The following SNAP23 variants were observed in gnomAD, a reference collection of about 807,000 sequenced individuals.
The protein encoded by SNAP23 is synaptosomal-associated protein 23.
A neutral mutation model predicts 29.0 loss-of-function variants in SNAP23; 11 were observed. The ratio of observed to expected loss-of-function variants is 0.38; its 90% CI spans 0.24 to 0.63. The LOEUF (loss-of-function observed/expected upper bound fraction) is 0.63. Ranked by LOEUF, SNAP23 falls within the 20% of genes least tolerant of loss-of-function variation. The probability of loss-of-function intolerance (pLI) is 0.58; values close to 1 mark genes in which losing one functional copy is unlikely to be tolerated. For missense variants in SNAP23, 220 were observed against 253.9 expected (o/e 0.87, Z 0.91); for synonymous variants, 60 against 82.9 (o/e 0.72, Z 1.50).
chr15:42,525,849 A>G lies in SNAP23; in HGVS notation c.267-2413A>G, dbSNP rs149703012. Among the ~76,000 whole-genome samples, 7 of 152,302 alleles carry G rather than the reference A, an allele frequency of 4.6e-5. No homozygotes were observed. In the East Asian group the frequency reaches 1.4e-3, roughly 29 times the overall value. On this transcript the variant is annotated intron_variant, in intron 5 of 7. Transcript: ENST00000249647. ...TATGTTTCAATTAAAAATCATTCAC[A>G]TGATCATTTTTAAACAATTCATTTG...
intron 5 of SNAP23, among the ~76,000 whole-genome samples, chr15:42,517,411 T>C (rs2057406270): frequency 6.6e-6 from 1 of 152,182 alleles, no homozygotes; most frequent in African/African-American, 2.4e-5. Flanking sequence ...ATGAATTTTC[T>C]TGAGATCAGA....
chr15:42,521,038 C>G (rs1168466831), intron 5 of SNAP23, among the ~76,000 whole-genome samples: 2 of 152,176 alleles, frequency 1.3e-5, no homozygotes, highest in Non-Finnish European at 2.9e-5. Context: ...TTCTTCCATC[C>G]TGCTCACTGG....
At chr15:42,504,522 A>T (rs2141510201) in intron 1 of SNAP23, among the ~76,000 whole-genome samples, 1 of 152,324 alleles carries the variant, frequency 6.6e-6, no homozygotes, top group South Asian at 2.1e-4. Context: ...ACTCATATTC[A>T]ACATTGTTAC....
At chr15:42,505,476 T>A (rs982452616) in intron 1 of SNAP23, 1 of 152,162 alleles carries the variant, frequency 6.6e-6, no homozygotes. Context: ...GGGCCTTTTT[T>A]CTGTGTATTT....
chr15:42,527,682 T>G (rs1301473404), intron 5 of SNAP23, among the ~76,000 whole-genome samples: 2 of 151,762 alleles, frequency 1.3e-5, no homozygotes, highest in African/African-American at 4.8e-5. Flanking sequence ...GATGGGTTTT[T>G]GCTGTGTTGC....
Position 42,514,160 on chromosome 15 carries a change from C to T in SNAP23, c.148+713C>T, listed in dbSNP as rs190338127. Among the ~76,000 whole-genome samples the T allele has an allele frequency of 1.9e-4, 28 of 149,702 alleles. No individual in the cohort carries two copies. In the East Asian group the frequency reaches 4.1e-3, roughly 22 times the overall value. On this transcript the variant is annotated intron_variant, in intron 4 of 7. Transcript: ENST00000249647. The stretch of plus-strand genomic sequence containing the variant: ...TTTTTTTAATTTTTATTTTTTGAGT[C>T]GGAGTCTTACTCTGTCACCCAGGCT...
intron 5 of SNAP23, among the ~76,000 whole-genome samples, chr15:42,516,472 A>T (rs561304414): frequency 1.3e-5 from 2 of 152,240 alleles, no homozygotes; most frequent in South Asian, 4.1e-4. Flanking sequence ...CTGGGACTAC[A>T]GGCGCATGCC....
rs562886660 is a variant in SNAP23, at chr15:42,502,207, T to C, written c.-15+6494T>C. The stretch of plus-strand genomic sequence containing the variant: ...CACGCCCGGCTAATTTTCTGTTTTT[T>C]AGTAGAGACGGTTTCACCTTGTTAG... On this transcript the variant is annotated intron_variant, in intron 1 of 7. Transcript: ENST00000249647. 4.6e-3 allele frequency among the ~76,000 whole-genome samples: 614 copies of C among 133,342 alleles called. 7 individuals carry two copies. Among genetic ancestry groups the C allele is most frequent in the African/African-American group, 0.02 (579 of 29,462 alleles). 87.5% of individuals were successfully genotyped at this position (133,342 alleles called of 152,430 possible). A position where few individuals can be genotyped will look rare whatever the true frequency, so the allele number is the denominator to read the frequency against.
Position 42,513,459 on chromosome 15 carries a change from T to G in SNAP23, c.148+12T>G. 1 of 1,608,220 alleles carries G rather than the reference T, an allele frequency of 6.2e-7. No homozygotes were observed. Among genetic ancestry groups the G allele is most frequent in the Non-Finnish European group, 8.5e-7 (1 of 1,174,660 alleles). On this transcript the variant is annotated intron_variant, in intron 4 of 7. Transcript: ENST00000249647. ...GGATGAACAAAAGGGTAAGTTAAATTATTAGCAGAAATTCTTAATTTGACT... is the reference window on the plus strand; with the variant it reads ...GGATGAACAAAAGGGTAAGTTAAATGATTAGCAGAAATTCTTAATTTGACT...
upstream of SNAP23, among the ~76,000 whole-genome samples, chr15:42,494,557 C>A (rs1183521210): frequency 6.6e-5 from 10 of 150,992 alleles, no homozygotes; most frequent in African/African-American, 2.2e-4. Context: ...CTCTCGTTGC[C>A]CAGCCTGGAG....
intron 5 of SNAP23, among the ~76,000 whole-genome samples, chr15:42,525,451 CTTTTTTT>C (rs1158969519): frequency 4.9e-3 from 232 of 47,138 alleles, no homozygotes; most frequent in African/African-American, 0.01. Context: ...ATCCAGTCTT[CTTTTTTT>C]TTTTTTTTTT....
intron 7 of SNAP23, among the ~76,000 whole-genome samples, chr15:42,531,207 T>A (rs1036249199): frequency 6.6e-6 from 1 of 152,230 alleles, no homozygotes; most frequent in Non-Finnish European, 1.5e-5. Context: ...CAAGGTCTTA[T>A]ATGTTACACC....
At chr15:42,526,381 TAACTTA>T (rs1240095487) in intron 5 of SNAP23, among the ~76,000 whole-genome samples, 1 of 152,178 alleles carries the variant, frequency 6.6e-6, no homozygotes, top group Non-Finnish European at 1.5e-5. Context: ...ATAATTATGA[TAACTTA>T]AAGTGGTACC....
chr15:42,493,262 T>C (rs1442061501), upstream of SNAP23, among the ~76,000 whole-genome samples: 1 of 151,886 alleles, frequency 6.6e-6, no homozygotes, highest in African/African-American at 2.4e-5. Flanking sequence ...GGATTTGAGC[T>C]GCAAAGGTAG....
chr15:42,525,556 C>G (rs1340163906), intron 5 of SNAP23, among the ~76,000 whole-genome samples: 1 of 139,682 alleles, frequency 7.2e-6, no homozygotes, highest in Non-Finnish European at 1.5e-5. Context: ...CTCTGCCTCC[C>G]AGGTTCAAGT....
chr15:42,529,942 T>TAAGAC, intron 7 of SNAP23, 123 bp downstream of exon 7: 1 of 1,016,580 alleles, frequency 9.8e-7, no homozygotes, highest in Non-Finnish European at 1.4e-6. Context: ...AGGTCTTAAT[T>TAAGAC]CTGATGAGGT....
upstream of SNAP23, among the ~76,000 whole-genome samples, chr15:42,494,019 G>A (rs1337749775): frequency 6.6e-6 from 1 of 151,426 alleles, no homozygotes; most frequent in Non-Finnish European, 1.5e-5. Flanking sequence ...CAAGATCTTT[G>A]CCTACTGACT....
At chr15:42,506,412 G>A (rs969053443) in intron 1 of SNAP23, among the ~76,000 whole-genome samples, 1 of 152,026 alleles carries the variant, frequency 6.6e-6, no homozygotes, top group African/African-American at 2.4e-5. Context: ...TATTTTTGTT[G>A]TTACTTTTTG....
At chr15:42,520,087 T>C (rs2057432154) in intron 5 of SNAP23, among the ~76,000 whole-genome samples, 1 of 144,264 alleles carries the variant, frequency 6.9e-6, no homozygotes, top group Non-Finnish European at 1.5e-5. Context: ...AGTCTTGCTG[T>C]ATCACCAGGC....
Sources: allele counts gnomAD v4.1 joint callset (sites outside exome capture counted in the v4.1 genomes callset), GRCh38; gene constraint gnomAD v4.1.1; transcripts MANE v1.5; gene names NCBI Gene and HGNC (gene_info 2026-07-23, HGNC 2026-07-21).